Variants in MAP7 observed in about 807,000 individuals in gnomAD.
MAP7 encodes microtubule associated protein 7, also known as ensconsin.
A neutral mutation model predicts 94.8 loss-of-function variants in MAP7; 52 were observed. That is an observed-to-expected ratio of 0.55 (90% confidence interval 0.44 to 0.69). The LOEUF (loss-of-function observed/expected upper bound fraction) is 0.69, where lower values mean the gene tolerates loss of function less well. Ranked by LOEUF, MAP7 falls within the 30% of genes least tolerant of loss-of-function variation. The pLI is 0.00. For synonymous variants in MAP7, 350 were observed against 357.0 expected (o/e 0.98, Z 0.22); for missense variants, 940 against 964.6 (o/e 0.97, Z 0.34).
chr6:136,542,927 G>A (rs1022551342), intron 1 of MAP7, among the ~76,000 whole-genome samples: 2 of 152,124 alleles, frequency 1.3e-5, no homozygotes, highest in Non-Finnish European at 2.9e-5. Context: ...TGGTGGAATG[G>A]CTAAAGTTTT....
chr6:136,375,087 T>C (rs1012822431), intron 7 of MAP7, among the ~76,000 whole-genome samples: 3 of 152,162 alleles, frequency 2.0e-5, no homozygotes, highest in South Asian at 2.1e-4. Flanking sequence ...CAGGATTTTC[T>C]ATACGAAATA....
chr6:136,389,387 C>T lies in MAP7; in HGVS notation c.375G>A (p.Glu125=). 1.3e-6 allele frequency: 2 copies of T among 1,568,882 alleles called. No individual in the cohort carries two copies. Among genetic ancestry groups the T allele is most frequent in the Middle Eastern group, 1.7e-4 (1 of 5,782 alleles). The part of the protein sequence containing the change: ...QKEERRRAAV[E]EKRRQRLEED... ...CCTCAAGTCTCTGCCTCCGCTTCTC[C>T]TCCACAGCAGCCCTCCTCCGCTCCT... is the stretch of plus-strand genomic sequence containing the variant. Residue 125 remains glutamate (E), a synonymous_variant, in exon 4 of 18, where the codon GAG becomes GAA. Coordinates refer to ENST00000354570, the MANE Select transcript of MAP7 (RefSeq NM_003980.6).
At chr6:136,381,915 CACACAG>C (rs1777862546) in intron 6 of MAP7, among the ~76,000 whole-genome samples, 2 of 145,834 alleles carry the variant, frequency 1.4e-5, no homozygotes, top group African/African-American at 5.2e-5. Flanking sequence ...CACACACACA[CACACAG>C]AGAGAGAGAG....
At chr6:136,522,545 A>G (rs1026757495) in intron 1 of MAP7, among the ~76,000 whole-genome samples, 11 of 152,174 alleles carry the variant, frequency 7.2e-5, no homozygotes, top group African/African-American at 2.7e-4. Flanking sequence ...TCAACTCATC[A>G]AATTTAGATG....
At chr6:136,463,483 AT>A (rs879760247) in intron 1 of MAP7, among the ~76,000 whole-genome samples, 55 of 151,824 alleles carry the variant, frequency 3.6e-4, no homozygotes, top group Non-Finnish European at 6.6e-4. Context: ...TTTCTAAAGA[AT>A]TTTTTTTTCC....
chr6:136,461,796 AG>A (rs1183854194), intron 1 of MAP7, among the ~76,000 whole-genome samples: 2 of 152,186 alleles, frequency 1.3e-5, no homozygotes, highest in Admixed American at 6.6e-5. Flanking sequence ...ATACGCTTTT[AG>A]GGTTTTCTCT....
intron 1 of MAP7, among the ~76,000 whole-genome samples, chr6:136,444,465 A>G (rs1798749982): frequency 6.6e-6 from 1 of 152,232 alleles, no homozygotes; most frequent in East Asian, 1.9e-4. Context: ...GGCATTTGTT[A>G]TAAGCTAAAT....
rs1050467651 is a variant in MAP7 at position 136,404,397 on chromosome 6, GA to G, written c.244+7222del. On this transcript the variant is annotated intron_variant, in intron 3 of 17. Transcript: ENST00000354570. ...AAGGAAGCCCGATGAAATTATCTAG[GA>G]AAAAAAAAAAAAGCCCCTCACATAT... Among the ~76,000 whole-genome samples the G allele has an allele frequency of 5.9e-3, 784 of 132,740 alleles. 6 individuals are homozygous for G. Among genetic ancestry groups the G allele is most frequent in the African/African-American group, 0.016 (565 of 36,268 alleles). The allele number at this position is 132,740 out of a possible 152,430, so 87.1% of individuals were successfully genotyped here. A position where few individuals can be genotyped will look rare whatever the true frequency, so the allele number is the denominator to read the frequency against.
chr6:136,479,583 T>G lies in MAP7; in HGVS notation c.68-57784A>C, dbSNP rs189589133. 3.9e-3 allele frequency among the ~76,000 whole-genome samples: 590 copies of G among 152,342 alleles called. 4 individuals are homozygous for G. The highest frequency in any genetic ancestry group is 0.014 in the African/African-American group (567 of 41,576). On this transcript the variant is annotated intron_variant, in intron 1 of 17. Coordinates refer to ENST00000354570, the MANE Select transcript of MAP7 (RefSeq NM_003980.6). ...AAGTCAAATTATTCTTGTTTGCAGA[T>G]GATATGACCTCATATTTGGAGAAGC...
At chr6:136,514,806 G>A (rs1363228920) in intron 1 of MAP7, among the ~76,000 whole-genome samples, 1 of 152,116 alleles carries the variant, frequency 6.6e-6, no homozygotes, top group Non-Finnish European at 1.5e-5. Flanking sequence ...TGCACACAGA[G>A]TAGATTTAGC....
intron 1 of MAP7, among the ~76,000 whole-genome samples, chr6:136,507,285 C>T (rs577857774): frequency 1.3e-5 from 2 of 151,814 alleles, no homozygotes; most frequent in Admixed American, 6.6e-5. Flanking sequence ...TCACATCCCA[C>T]AGTTCCCTCT....
At chr6:136,515,407 C>T (rs1824510443) in intron 1 of MAP7, among the ~76,000 whole-genome samples, 1 of 152,206 alleles carries the variant, frequency 6.6e-6, no homozygotes, top group South Asian at 2.1e-4. Context: ...TTTTCCTCTG[C>T]ATTCACATCT....
At chr6:136,475,489 A>T (rs1251401984) in intron 1 of MAP7, among the ~76,000 whole-genome samples, 1 of 152,210 alleles carries the variant, frequency 6.6e-6, no homozygotes, top group Non-Finnish European at 1.5e-5. Flanking sequence ...TAGTTATATA[A>T]ACTCTCAGAT....
chr6:136,462,174 A>T (rs955659991), intron 1 of MAP7, among the ~76,000 whole-genome samples: 1 of 151,514 alleles, frequency 6.6e-6, no homozygotes, highest in Non-Finnish European at 1.5e-5. Context: ...TCTCTTAAAA[A>T]AAAAAAAAAA....
At chr6:136,393,462 G>A (rs1781363863) in intron 3 of MAP7, among the ~76,000 whole-genome samples, 1 of 152,104 alleles carries the variant, frequency 6.6e-6, no homozygotes, top group South Asian at 2.1e-4. Context: ...ATGAGGCCCG[G>A]TAACTTGATT....
At chr6:136,417,309 T>C (rs185082430) in intron 2 of MAP7, among the ~76,000 whole-genome samples, 81 of 152,320 alleles carry the variant, frequency 5.3e-4, no homozygotes, top group Admixed American at 5.3e-3. Flanking sequence ...GGGTGACATC[T>C]AACCTGGGGC....
Position 136,365,916 on chromosome 6 carries a change from T to A in MAP7, c.1092A>T (p.Pro364=), listed in dbSNP as rs1392935639. 6.2e-7 allele frequency: 1 copy of A among 1,614,036 alleles called. No homozygotes were observed. Among genetic ancestry groups the A allele is most frequent in the Admixed American group, 1.7e-5 (1 of 60,016 alleles). Residue 364 remains proline (P), a synonymous_variant, in exon 10 of 18, where the codon CCA becomes CCT. Coordinates refer to ENST00000354570, the MANE Select transcript of MAP7 (RefSeq NM_003980.6). ...VKAAPAQVRP[P]SPGNIRPVKR... Reference sequence around the variant, plus strand: ...TGACAGGGCGGATGTTGCCGGGGGATGGGGGCCGGACCTGAGCAGGAGCAG... The same window carrying A: ...TGACAGGGCGGATGTTGCCGGGGGAAGGGGGCCGGACCTGAGCAGGAGCAG...
At chr6:136,349,488 C>T (rs1788560193) in intron 16 of MAP7, among the ~76,000 whole-genome samples, 1 of 152,162 alleles carries the variant, frequency 6.6e-6, no homozygotes, top group African/African-American at 2.4e-5. Context: ...ATCCTCCCGC[C>T]TCAGCCTCCC....
intron 7 of MAP7, among the ~76,000 whole-genome samples, chr6:136,376,172 C>T (rs1168363443): frequency 6.6e-6 from 1 of 152,044 alleles, no homozygotes; most frequent in Non-Finnish European, 1.5e-5. Flanking sequence ...GATCTCAGCT[C>T]ACTGCAAGCT....
Sources: allele counts gnomAD v4.1 joint callset (sites outside exome capture counted in the v4.1 genomes callset), GRCh38; gene constraint gnomAD v4.1.1; transcripts MANE v1.5; gene names NCBI Gene and HGNC (gene_info 2026-07-23, HGNC 2026-07-21).